The following SNTG1 variants were observed in gnomAD, a reference collection of about 807,000 sequenced individuals.
SNTG1 encodes the protein syntrophin gamma 1.
Under a neutral mutation model 74.7 loss-of-function variants are expected in SNTG1, and 39 were observed. The ratio of observed to expected loss-of-function variants is 0.52; its 90% CI spans 0.40 to 0.68. The LOEUF (loss-of-function observed/expected upper bound fraction) is 0.68, where lower values mean the gene tolerates loss of function less well. SNTG1 is among the 30% of genes least tolerant of loss of function. The probability of loss-of-function intolerance (pLI) is 0.00; values close to 1 mark genes in which losing one functional copy is unlikely to be tolerated. For missense variants in SNTG1, 685 were observed against 609.5 expected (o/e 1.12, Z -1.30); for synonymous variants, 254 against 217.1 (o/e 1.17, Z -1.49).
intron 10 of SNTG1, among the ~76,000 whole-genome samples, chr8:50,534,246 G>A (rs1024613760): frequency 6.6e-6 from 1 of 152,108 alleles, no homozygotes; most frequent in Non-Finnish European, 1.5e-5. Context: ...GGTGACTTGG[G>A]TAAATTGTTT....
intron 2 of SNTG1, among the ~76,000 whole-genome samples, chr8:50,310,721 T>C (rs1453659735): frequency 6.6e-6 from 1 of 152,080 alleles, no homozygotes; most frequent in Admixed American, 6.6e-5. Flanking sequence ...AATAAATAAA[T>C]AAATGTAAGT....
At chr8:50,441,826 A>T (rs906660569) in intron 5 of SNTG1, among the ~76,000 whole-genome samples, 47 of 152,170 alleles carry the variant, frequency 3.1e-4, no homozygotes, top group African/African-American at 1.1e-3. Flanking sequence ...TTCTGACATC[A>T]ATTACATTGA....
intron 17 of SNTG1, among the ~76,000 whole-genome samples, chr8:50,711,174 A>C (rs904702310): frequency 2.0e-5 from 3 of 152,216 alleles, no homozygotes; most frequent in Non-Finnish European, 4.4e-5. Context: ...AAATATGATA[A>C]AAAGGTAATT....
chr8:50,394,784 A>G (rs1198583636), intron 3 of SNTG1, among the ~76,000 whole-genome samples: 1 of 152,112 alleles, frequency 6.6e-6, no homozygotes, highest in Non-Finnish European at 1.5e-5. Context: ...TTTACAGTTC[A>G]ATAGTGCATG....
chr8:49,929,012 A>C (rs938525430), intron 1 of SNTG1, among the ~76,000 whole-genome samples: 21 of 152,102 alleles, frequency 1.4e-4, no homozygotes, highest in Non-Finnish European at 2.6e-4. Context: ...GAAAACAAAC[A>C]CAAACGTAGT....
At chr8:50,405,034 T>A (rs2092853872) in intron 4 of SNTG1, among the ~76,000 whole-genome samples, 1 of 152,138 alleles carries the variant, frequency 6.6e-6, no homozygotes, top group Non-Finnish European at 1.5e-5. Context: ...TTATACCACC[T>A]TTTGTTTATC....
At chr8:50,086,053 G>A (rs191938726) in intron 1 of SNTG1, among the ~76,000 whole-genome samples, 120 of 152,196 alleles carry the variant, frequency 7.9e-4, no homozygotes, top group Admixed American at 1.8e-3. Flanking sequence ...AAAAAGGATC[G>A]ATTTGGGGTA....
At chr8:50,065,218 T>A (rs1191535753) in intron 1 of SNTG1, among the ~76,000 whole-genome samples, 2 of 152,230 alleles carry the variant, frequency 1.3e-5, no homozygotes, top group Admixed American at 6.5e-5. Flanking sequence ...GTTGCATAGT[T>A]AATAAAATGT....
At chr8:50,598,382 T>C (rs2094746572) in intron 13 of SNTG1, among the ~76,000 whole-genome samples, 2 of 151,976 alleles carry the variant, frequency 1.3e-5, no homozygotes, top group Admixed American at 1.3e-4. Flanking sequence ...GACACTTTTG[T>C]TGGCTATAAG....
chr8:50,448,645 C>CT (rs1274863380), intron 5 of SNTG1, among the ~76,000 whole-genome samples: 1 of 152,114 alleles, frequency 6.6e-6, no homozygotes, highest in Non-Finnish European at 1.5e-5. Context: ...AAATGGGATT[C>CT]TTTTTCCGTT....
At chr8:50,592,460 G>C (rs1222441504) in intron 13 of SNTG1, among the ~76,000 whole-genome samples, 1 of 152,150 alleles carries the variant, frequency 6.6e-6, no homozygotes, top group Non-Finnish European at 1.5e-5. Flanking sequence ...TGTAATCAAT[G>C]ACAACTACAG....
At chr8:50,028,898 G>A (rs186742264) in intron 1 of SNTG1, among the ~76,000 whole-genome samples, 3 of 152,048 alleles carry the variant, frequency 2.0e-5, no homozygotes, top group Admixed American at 1.3e-4. Flanking sequence ...ACATTTTTGT[G>A]TGCTTATTTT....
chr8:49,922,079 C>T (rs1041205318), intron 1 of SNTG1, among the ~76,000 whole-genome samples: 3 of 152,050 alleles, frequency 2.0e-5, no homozygotes, highest in Non-Finnish European at 4.4e-5. Context: ...AGAATGCATA[C>T]AAGGGGTCTG....
intron 17 of SNTG1, among the ~76,000 whole-genome samples, chr8:50,722,976 C>T (rs2095491379): frequency 6.6e-6 from 1 of 152,082 alleles, no homozygotes; most frequent in African/African-American, 2.4e-5. Flanking sequence ...ATATTCTATT[C>T]TATAGTGCAT....
chr8:50,671,674 C>A (rs551363195), intron 15 of SNTG1, among the ~76,000 whole-genome samples: 1 of 151,648 alleles, frequency 6.6e-6, no homozygotes, highest in East Asian at 2.0e-4. Context: ...TGCCATTTGA[C>A]CCAGCAATCC....
intron 2 of SNTG1, among the ~76,000 whole-genome samples, chr8:50,331,077 A>G (rs1401022258): frequency 6.6e-6 from 1 of 152,172 alleles, no homozygotes; most frequent in African/African-American, 2.4e-5. Flanking sequence ...TTTATTTTCT[A>G]AAATATAAAT....
rs375363799 is a variant in SNTG1 at position 50,021,650 on chromosome 8, G to C, written c.-103+109419G>C. On this transcript the variant is annotated intron_variant, in intron 1 of 18. Coordinates refer to ENST00000642720, the MANE Select transcript of SNTG1 (RefSeq NM_018967.5). ...TATCAAGCATCTTCTGCTGGACACT[G>C]TATGTGGGGCATGGTGCCCCAAGCC... 2.0e-4 allele frequency among the ~76,000 whole-genome samples: 31 copies of C among 152,176 alleles called. No homozygotes were observed. The East Asian group carries it at 4.3e-3, about 21-fold the overall frequency.
chr8:49,940,611 T>G (rs1168068795), intron 1 of SNTG1, among the ~76,000 whole-genome samples: 1 of 152,194 alleles, frequency 6.6e-6, no homozygotes, highest in African/African-American at 2.4e-5. Context: ...GACATTTCTG[T>G]ACAGTCTCTT....
intron 1 of SNTG1, among the ~76,000 whole-genome samples, chr8:49,983,294 A>G (rs1444067662): frequency 1.3e-5 from 2 of 152,246 alleles, no homozygotes; most frequent in Non-Finnish European, 2.9e-5. Flanking sequence ...GTAAAAGTTT[A>G]GAGAATTTGA....
Sources: allele counts gnomAD v4.1 joint callset (sites outside exome capture counted in the v4.1 genomes callset), GRCh38; gene constraint gnomAD v4.1.1; transcripts MANE v1.5; gene names NCBI Gene and HGNC (gene_info 2026-07-23, HGNC 2026-07-21).